The following TMEM185A variants were observed in gnomAD, a reference collection of about 807,000 sequenced individuals.
The protein encoded by TMEM185A is transmembrane protein 185A.
A neutral mutation model predicts 25.0 loss-of-function variants in TMEM185A; 9 were observed. That is an observed-to-expected ratio of 0.36 (90% confidence interval 0.22 to 0.63). The LOEUF (loss-of-function observed/expected upper bound fraction) is 0.63. Ranked by LOEUF, TMEM185A falls within the 20% of genes least tolerant of loss-of-function variation. TMEM185A has a pLI of 0.68. For synonymous variants in TMEM185A, 45 were observed against 93.5 expected, an observed-to-expected ratio of 0.48 and a Z score of 2.99; for missense variants, 103 against 237.4, an observed-to-expected ratio of 0.43 and a Z score of 3.72.
chrX:149,609,459 G>C (rs782176677), intron 2 of TMEM185A, among the ~76,000 whole-genome samples: 1 of 112,741 alleles, frequency 8.9e-6, no homozygotes, highest in Non-Finnish European at 1.9e-5. Flanking sequence ...AGAGAAAGAA[G>C]AACAAGAGTT....
intron 1 of TMEM185A, among the ~76,000 whole-genome samples, chrX:149,629,722 TG>T (rs373816596): frequency 3.6e-5 from 4 of 112,124 alleles, no homozygotes; most frequent in African/African-American, 1.3e-4. Context: ...CTAATTTTTT[TG>T]GGGGGAAAAG....
chrX:149,610,700 CA>C (rs1191091992), intron 2 of TMEM185A, among the ~76,000 whole-genome samples: 1 of 111,586 alleles, frequency 9.0e-6, no homozygotes, highest in Non-Finnish European at 1.9e-5. Flanking sequence ...CGGAGGCATC[CA>C]AGAGCAGGGA....
At chrX:149,619,608 C>T (rs1289359341) in intron 1 of TMEM185A, among the ~76,000 whole-genome samples, 10 of 109,169 alleles carry the variant, frequency 9.2e-5, no homozygotes, top group Admixed American at 2.9e-4. Flanking sequence ...CCCATTAACT[C>T]GTCACTTAGC....
chrX:149,609,226 C>T (rs2090068905), intron 2 of TMEM185A, among the ~76,000 whole-genome samples: 1 of 112,463 alleles, frequency 8.9e-6, no homozygotes, highest in Non-Finnish European at 1.9e-5. Context: ...TAAAACCAGG[C>T]AAATACCCCT....
intron 1 of TMEM185A, among the ~76,000 whole-genome samples, chrX:149,618,315 A>G (rs182309073): frequency 9.0e-6 from 1 of 111,056 alleles, no homozygotes; most frequent in African/African-American, 3.3e-5. Flanking sequence ...GAAAAAAGGG[A>G]GGAGGGTTGT....
chrX:149,626,607 T>C (rs782436510), intron 1 of TMEM185A, among the ~76,000 whole-genome samples: 3 of 112,291 alleles, frequency 2.7e-5, no homozygotes, highest in Admixed American at 9.4e-5. Context: ...AAACAAAGTA[T>C]AGAGAAAGAA....
chrX:149,604,177 C>G, intron 3 of TMEM185A, 107 bp from the exon 4 acceptor site: 1 of 517,035 alleles, frequency 1.9e-6, no homozygotes, highest in Non-Finnish European at 3.2e-6. Context: ...TACAGTGTAA[C>G]TTGTATAATA....
chrX:149,608,990 T>A (rs2090067575), intron 2 of TMEM185A, among the ~76,000 whole-genome samples, 156 bp from the exon 3 acceptor site: 1 of 112,697 alleles, frequency 8.9e-6, no homozygotes, highest in South Asian at 3.6e-4. Flanking sequence ...AACTTAAACC[T>A]AAGCTTTGGT....
intron 1 of TMEM185A, among the ~76,000 whole-genome samples, chrX:149,614,464 C>CAA (rs1179138384): frequency 4.7e-4 from 52 of 111,222 alleles, no homozygotes; most frequent in African/African-American, 1.6e-3. Flanking sequence ...GAAAAGATAT[C>CAA]AAGTCAATAA....
chrX:149,611,688 A>C (rs782662095), intron 1 of TMEM185A, among the ~76,000 whole-genome samples: 35 of 112,326 alleles, frequency 3.1e-4, no homozygotes, highest in African/African-American at 1.1e-3. Flanking sequence ...CATAGAAGGA[A>C]GACCACACAG....
At chrX:149,622,568 C>T (rs782423396) in intron 1 of TMEM185A, among the ~76,000 whole-genome samples, 2 of 111,755 alleles carry the variant, frequency 1.8e-5, no homozygotes, top group Admixed American at 9.5e-5. Context: ...ATAGTTTTTC[C>T]AGGGAGAAAA....
Position 149,610,974 on chromosome X carries a change from C to T in TMEM185A, c.215+313G>A, listed in dbSNP as rs782346123. On this transcript the variant is annotated intron_variant, in intron 2 of 6. Transcript: ENST00000600449. ...ACCAAACATAATATGAGTGTCTTTT[C>T]CTAAAAACAGGGTGGTTTCATGCTG... 2.7e-5 allele frequency among the ~76,000 whole-genome samples: 3 copies of T among 111,596 alleles called. No homozygotes were observed. In the South Asian group the frequency reaches 1.1e-3, roughly 42 times the overall value.
intron 4 of TMEM185A, among the ~76,000 whole-genome samples, chrX:149,602,563 G>A (rs1447484669): frequency 8.9e-6 from 1 of 112,235 alleles, no homozygotes; most frequent in Non-Finnish European, 1.9e-5. Context: ...AGGCTTCCTT[G>A]TTTTCTCTTG....
intron 1 of TMEM185A, among the ~76,000 whole-genome samples, chrX:149,630,879 C>T (rs895810792): frequency 9.0e-5 from 10 of 111,377 alleles, no homozygotes; most frequent in African/African-American, 3.3e-4. Flanking sequence ...TGGGTGTTCC[C>T]CATCTGGAAA....
In TMEM185A at chrX:149,606,141, G is replaced by C. The variant is rs782691503; in HGVS notation, c.424-2071C>G. Among the ~76,000 whole-genome samples, 3 of 112,337 alleles carry C rather than the reference G, an allele frequency of 2.7e-5. No individual in the cohort carries two copies. In the South Asian group the frequency reaches 1.1e-3, roughly 42 times the overall value. On this transcript the variant is annotated intron_variant, in intron 3 of 6. Coordinates refer to ENST00000600449, the MANE Select transcript of TMEM185A (RefSeq NM_032508.4). The stretch of plus-strand genomic sequence containing the variant: ...AACTAATTCCCAGTGGGATGCGTGT[G>C]CCTGTCAGGTAGCTCACCATTTCCC...
At chrX:149,605,358 GC>G (rs2090043164) in intron 3 of TMEM185A, among the ~76,000 whole-genome samples, 4 of 89,631 alleles carry the variant, frequency 4.5e-5, no homozygotes, top group African/African-American at 1.7e-4. Flanking sequence ...ACTTTCTATG[GC>G]CTCCCATGTC....
chrX:149,611,615 G>A, intron 1 of TMEM185A, 152 bp from the exon 2 acceptor site: 1 of 505,335 alleles, frequency 2.0e-6, no homozygotes, highest in South Asian at 4.5e-5. Flanking sequence ...CAGACATAAT[G>A]TGTTGGGAAT....
intron 4 of TMEM185A, chrX:149,601,322 G>C (rs1425833020): frequency 1.0e-5 from 1 of 95,588 alleles, no homozygotes; most frequent in Non-Finnish European, 2.0e-5. Context: ...TTTGGTGTGA[G>C]TTCCCTGAGT....
intron 1 of TMEM185A, among the ~76,000 whole-genome samples, chrX:149,616,946 G>A (rs1236330627): frequency 8.9e-6 from 1 of 112,181 alleles, no homozygotes; most frequent in African/African-American, 3.2e-5. Flanking sequence ...TATATAGAAC[G>A]TACTAGAGAG....
Sources: gnomAD v4.1 joint callset for allele counts (sites outside exome capture counted in the v4.1 genomes callset) on GRCh38, gnomAD v4.1.1 for gene constraint, MANE v1.5 for transcripts, NCBI Gene and HGNC (gene_info 2026-07-23, HGNC 2026-07-21) for gene names.